The following OSBP2 variants were observed in gnomAD, a reference collection of about 807,000 sequenced individuals.
The protein encoded by OSBP2 is oxysterol-binding protein 2.
In OSBP2, 66 loss-of-function variants were observed where a neutral mutation model predicts 96.0. The observed-to-expected ratio is 0.69, with a 90% CI of 0.56 to 0.84. OSBP2 has a LOEUF of 0.84. OSBP2 is among the 40% of genes least tolerant of loss of function. The pLI is 0.00. For missense variants in OSBP2, 1,038 were observed against 1,222.7 expected (o/e 0.85, Z 2.25); for synonymous variants, 525 against 520.9 (o/e 1.01, Z -0.11).
At chr22:30,707,587 G>A (rs1006147311) in intron 1 of OSBP2, among the ~76,000 whole-genome samples, 17 of 150,984 alleles carry the variant, frequency 1.1e-4, no homozygotes, top group Non-Finnish European at 5.9e-5. Flanking sequence ...GCACGGTGGC[G>A]GGCCCTGTAG....
intron 1 of OSBP2, among the ~76,000 whole-genome samples, chr22:30,708,863 G>A (rs2089299580): frequency 6.6e-6 from 1 of 151,750 alleles, no homozygotes; most frequent in Non-Finnish European, 1.5e-5. Flanking sequence ...CACTTTGGGA[G>A]GCCAAGGTGG....
chr22:30,771,069 G>A (rs959193375), intron 2 of OSBP2, among the ~76,000 whole-genome samples: 3 of 152,266 alleles, frequency 2.0e-5, no homozygotes, highest in African/African-American at 7.2e-5. Context: ...TAGCGAGGAA[G>A]CCTTAAATCC....
At chr22:30,728,298 G>A (rs1312425566) in intron 1 of OSBP2, among the ~76,000 whole-genome samples, 1 of 151,796 alleles carries the variant, frequency 6.6e-6, no homozygotes, top group Non-Finnish European at 1.5e-5. Context: ...GGGAGGCTGA[G>A]GTAGGAGAAT....
Position 30,861,922 on chromosome 22 carries a change from C to T in OSBP2, c.854-8507C>T, listed in dbSNP as rs1307036844. Among the ~76,000 whole-genome samples, 7 of 152,194 alleles carry T rather than the reference C, an allele frequency of 4.6e-5. No individual in the cohort carries two copies. In the East Asian group the frequency reaches 1.2e-3, roughly 25 times the overall value. ...TCCTGGGGCTCCTGCCCCTTCCTCT[C>T]CCTGGAGCGGCATCTTCCTCCCGTG... is the stretch of plus-strand genomic sequence containing the variant. On this transcript the variant is annotated intron_variant, in intron 2 of 13. Transcript: ENST00000332585.
chr22:30,864,028 T>C (rs1238239195), intron 2 of OSBP2, among the ~76,000 whole-genome samples: 1 of 151,782 alleles, frequency 6.6e-6, no homozygotes, highest in Non-Finnish European at 1.5e-5. Context: ...TGGAGTGCAG[T>C]GGCACAATCT....
At position 30,818,966 on chromosome 22, in the gene OSBP2, G is replaced by T. The variant is rs192480065; in HGVS notation, c.854-51463G>T. The stretch of plus-strand genomic sequence containing the variant: ...TTTGGGGTAAGTGAACCTCAGGAAG[G>T]TTTCAGAGTTGGTGCACTTGGTTTT... On this transcript the variant is annotated intron_variant, in intron 2 of 13. Coordinates refer to ENST00000332585, the MANE Select transcript of OSBP2 (RefSeq NM_030758.4). Among the ~76,000 whole-genome samples, 5 of 152,334 alleles carry T rather than the reference G, an allele frequency of 3.3e-5. No homozygotes were observed. The East Asian group carries it at 7.7e-4, about 24-fold the overall frequency.
chr22:30,876,695 G>A (rs2039587685), intron 3 of OSBP2, among the ~76,000 whole-genome samples: 1 of 152,220 alleles, frequency 6.6e-6, no homozygotes, highest in Non-Finnish European at 1.5e-5. Context: ...CCAGTGGGGA[G>A]CCAGGATGGG....
At chr22:30,784,108 A>G (rs2090555419) in intron 2 of OSBP2, among the ~76,000 whole-genome samples, 1 of 152,184 alleles carries the variant, frequency 6.6e-6, no homozygotes, top group African/African-American at 2.4e-5. Context: ...CTGCAGATAC[A>G]AATCCTAGAT....
intron 2 of OSBP2, among the ~76,000 whole-genome samples, chr22:30,745,105 T>C (rs1240019802): frequency 6.6e-6 from 1 of 151,718 alleles, no homozygotes; most frequent in Non-Finnish European, 1.5e-5. Context: ...AATTCGAAAA[T>C]ACATTGAGAT....
chr22:30,899,687 A>G (rs1454839767), intron 12 of OSBP2, among the ~76,000 whole-genome samples: 1 of 152,196 alleles, frequency 6.6e-6, no homozygotes, highest in Non-Finnish European at 1.5e-5. Context: ...GGAAAATAAA[A>G]GTTCTACCCT....
chr22:30,839,798 T>C (rs1204645920), intron 2 of OSBP2, among the ~76,000 whole-genome samples: 5 of 152,070 alleles, frequency 3.3e-5, no homozygotes, highest in Non-Finnish European at 7.4e-5. Context: ...AGGTTGCCTG[T>C]ACACTCTGAT....
chr22:30,793,565 C>T (rs2090711281), intron 2 of OSBP2, among the ~76,000 whole-genome samples: 1 of 152,114 alleles, frequency 6.6e-6, no homozygotes, highest in South Asian at 2.1e-4. Context: ...GTGGGAGGAT[C>T]ACTTGAGCTT....
At chr22:30,821,357 A>G (rs997929473) in intron 2 of OSBP2, among the ~76,000 whole-genome samples, 31 of 152,202 alleles carry the variant, frequency 2.0e-4, no homozygotes, top group Non-Finnish European at 1.5e-5. Context: ...CACAGGCAAG[A>G]CGAGGGCGTA....
intron 2 of OSBP2, among the ~76,000 whole-genome samples, chr22:30,818,423 C>T (rs955819721): frequency 6.6e-6 from 1 of 152,134 alleles, no homozygotes; most frequent in Non-Finnish European, 1.5e-5. Flanking sequence ...ATTTTTGCAA[C>T]AGATGGCACT....
Position 30,906,551 on chromosome 22 carries a change from C to T in OSBP2, c.*212C>T, listed in dbSNP as rs2147205464. On this transcript the variant is annotated 3_prime_UTR_variant, in exon 14 of 14. Coordinates refer to ENST00000332585, the MANE Select transcript of OSBP2 (RefSeq NM_030758.4). Reference sequence around the variant, plus strand: ...GGGTTCTCTCCAGCCCCCAGGTGCGCCGGGTCACCCGTGCCCCTTCATTAT... The same window carrying T: ...GGGTTCTCTCCAGCCCCCAGGTGCGTCGGGTCACCCGTGCCCCTTCATTAT... The T allele has an allele frequency of 1.9e-6, 1 of 514,736 alleles. No individual in the cohort carries two copies. Among genetic ancestry groups the T allele is most frequent in the East Asian group, 3.5e-5 (1 of 28,972 alleles). 31.9% of individuals were successfully genotyped at this position (514,736 alleles called of 1,614,324 possible).
chr22:30,823,859 T>G (rs2038338534), intron 2 of OSBP2, among the ~76,000 whole-genome samples: 1 of 152,276 alleles, frequency 6.6e-6, no homozygotes, highest in African/African-American at 2.4e-5. Flanking sequence ...GTTTTTATTT[T>G]GGATATAGCG....
At chr22:30,831,363 C>G (rs950468156) in intron 2 of OSBP2, among the ~76,000 whole-genome samples, 2 of 152,166 alleles carry the variant, frequency 1.3e-5, no homozygotes, top group Non-Finnish European at 2.9e-5. Context: ...TTTGATGGCT[C>G]GTCAGCTGCA....
At chr22:30,722,830 G>T (rs1259338196) in intron 1 of OSBP2, among the ~76,000 whole-genome samples, 1 of 134,454 alleles carries the variant, frequency 7.4e-6, no homozygotes, top group Admixed American at 8.4e-5. Context: ...TGTCACCCAG[G>T]CTGGAGTGCA....
At chr22:30,853,589 C>A (rs2039017363) in intron 2 of OSBP2, among the ~76,000 whole-genome samples, 1 of 151,914 alleles carries the variant, frequency 6.6e-6, no homozygotes, top group Non-Finnish European at 1.5e-5. Flanking sequence ...TTTTATCCAG[C>A]CTGATAAAGT....
Sources: gnomAD v4.1 joint callset for allele counts (sites outside exome capture counted in the v4.1 genomes callset) on GRCh38, gnomAD v4.1.1 for gene constraint, MANE v1.5 for transcripts, NCBI Gene and HGNC (gene_info 2026-07-23, HGNC 2026-07-21) for gene names.